Variants in EIF4G3 observed in about 807,000 individuals in gnomAD.
EIF4G3 encodes the protein eukaryotic translation initiation factor 4 gamma 3.
A neutral mutation model predicts 186.4 loss-of-function variants in EIF4G3; 34 were observed. The observed-to-expected ratio is 0.18, with a 90% CI of 0.14 to 0.24. EIF4G3 has a LOEUF of 0.24. Among genes scored for constraint, EIF4G3 ranks in the 10% least tolerant of loss-of-function variants. The pLI, the probability that EIF4G3 is intolerant of heterozygous loss-of-function variation, is 1.00. For synonymous variants in EIF4G3, 673 were observed against 679.5 expected, an observed-to-expected ratio of 0.99 and a Z score of 0.15; for missense variants, 1,536 against 1,948.5, an observed-to-expected ratio of 0.79 and a Z score of 3.99.
At chr1:20,972,952 G>T in intron 11 of EIF4G3, 50 bp downstream of exon 11, 1 of 1,429,438 alleles carries the variant, frequency 7.0e-7, no homozygotes. Context: ...TATCTGATAA[G>T]TGAATAGATT....
chr1:20,863,445 CCT>C (rs1491096622), intron 22 of EIF4G3, among the ~76,000 whole-genome samples: 10 of 119,578 alleles, frequency 8.4e-5, no homozygotes, highest in African/African-American at 2.8e-4. Context: ...TTTTTTTTTT[CCT>C]TTTTTTTTTT....
intron 3 of EIF4G3, among the ~76,000 whole-genome samples, chr1:21,056,630 C>T (rs1001310612): frequency 1.3e-5 from 2 of 152,158 alleles, no homozygotes; most frequent in Non-Finnish European, 2.9e-5. Flanking sequence ...ATTACTGAAT[C>T]CTCTATTATC....
intron 34 of EIF4G3, among the ~76,000 whole-genome samples, chr1:20,814,019 T>C (rs1473997062): frequency 7.5e-6 from 1 of 132,576 alleles, no homozygotes; most frequent in Non-Finnish European, 1.6e-5. Flanking sequence ...CGATCTCAGC[T>C]CACTGCAACC....
At chr1:21,036,047 C>T (rs2093169588) in intron 4 of EIF4G3, among the ~76,000 whole-genome samples, 4 of 151,486 alleles carry the variant, frequency 2.6e-5, no homozygotes. Context: ...CTGGAATGAC[C>T]TGCCTACAGA....
chr1:21,080,977 C>T (rs190476229), intron 3 of EIF4G3, among the ~76,000 whole-genome samples: 7 of 152,274 alleles, frequency 4.6e-5, no homozygotes, highest in African/African-American at 1.7e-4. Flanking sequence ...AAAATATATA[C>T]GACAAAATTA....
chr1:20,853,304 C>A (rs2073921376), intron 27 of EIF4G3, among the ~76,000 whole-genome samples: 1 of 152,158 alleles, frequency 6.6e-6, no homozygotes, highest in South Asian at 2.1e-4. Context: ...GCTTGCGGAG[C>A]CCCTAGACAT....
At chr1:20,950,442 C>T (rs963320640) in intron 12 of EIF4G3, among the ~76,000 whole-genome samples, 3 of 151,972 alleles carry the variant, frequency 2.0e-5, no homozygotes, top group Non-Finnish European at 2.9e-5. Context: ...TAACAATAGA[C>T]GACACATCTG....
At chr1:20,881,651 G>A (rs982136606) in intron 19 of EIF4G3, among the ~76,000 whole-genome samples, 21 of 151,674 alleles carry the variant, frequency 1.4e-4, no homozygotes, top group African/African-American at 5.1e-4. Context: ...GCTGAGCACG[G>A]TGGCACGCAC....
intron 19 of EIF4G3, among the ~76,000 whole-genome samples, chr1:20,882,904 C>T (rs1399843084): frequency 1.3e-5 from 2 of 151,368 alleles, no homozygotes; most frequent in Admixed American, 1.3e-4. Flanking sequence ...GCCTGGGCAA[C>T]AGAATGAGAC....
rs187467167 is a variant in EIF4G3, at chr1:20,910,323, C to T, written c.1664-5352G>A. On this transcript the variant is annotated intron_variant, in intron 14 of 36. Transcript: ENST00000602326. ...CTTCTTGGCTGGGCATGGTGGCTCC[C>T]GCCTGGAATCCCAGCACTTTGGGAT... Among the ~76,000 whole-genome samples, 1,428 of 152,208 alleles carry T rather than the reference C, an allele frequency of 9.4e-3. 12 individuals carry two copies. Among genetic ancestry groups the T allele is most frequent in the South Asian group, 0.029 (138 of 4,822 alleles).
chr1:20,818,628 G>A (rs972867986), intron 33 of EIF4G3, among the ~76,000 whole-genome samples: 2 of 151,852 alleles, frequency 1.3e-5, no homozygotes, highest in Non-Finnish European at 1.5e-5. Context: ...GCAATAGGGC[G>A]AGATCCTGTC....
intron 2 of EIF4G3, among the ~76,000 whole-genome samples, chr1:21,136,441 T>G (rs948822723): frequency 1.3e-5 from 2 of 150,220 alleles, no homozygotes; most frequent in Admixed American, 1.3e-4. Flanking sequence ...TGCTTTAACC[T>G]GGGAGGCGGA....
chr1:20,856,026 C>T (rs2154551117), intron 25 of EIF4G3, among the ~76,000 whole-genome samples: 1 of 152,232 alleles, frequency 6.6e-6, no homozygotes, highest in East Asian at 1.9e-4. Flanking sequence ...TGCTGGAGGA[C>T]TTCTTTAAAC....
At chr1:21,115,738 AAC>A (rs1275033743) in intron 2 of EIF4G3, among the ~76,000 whole-genome samples, 4 of 152,260 alleles carry the variant, frequency 2.6e-5, no homozygotes, top group Middle Eastern at 3.4e-3. Flanking sequence ...TTTTTAAAGA[AAC>A]AGAGTCTCAC....
chr1:21,138,369 G>T (rs1156741158), intron 2 of EIF4G3, among the ~76,000 whole-genome samples: 1 of 152,148 alleles, frequency 6.6e-6, no homozygotes, highest in East Asian at 1.9e-4. Flanking sequence ...AGAGTGACCT[G>T]AAGAAAAATG....
At chr1:20,978,111 C>G (rs2077213744) in intron 10 of EIF4G3, among the ~76,000 whole-genome samples, 1 of 152,076 alleles carries the variant, frequency 6.6e-6, no homozygotes, top group Non-Finnish European at 1.5e-5. Context: ...TTAAAAAATT[C>G]TAGATAGTAA....
chr1:21,134,676 AC>A (rs1273820846), intron 2 of EIF4G3, among the ~76,000 whole-genome samples: 1 of 152,118 alleles, frequency 6.6e-6, no homozygotes, highest in Non-Finnish European at 1.5e-5. Context: ...CTCAAAAAAA[AC>A]AAAAATAAAA....
intron 3 of EIF4G3, among the ~76,000 whole-genome samples, chr1:21,052,611 C>T (rs1035502657): frequency 3.9e-5 from 6 of 151,944 alleles, no homozygotes; most frequent in Non-Finnish European, 5.9e-5. Context: ...TCTCTTTCCA[C>T]GGTCTCCCCC....
At chr1:20,866,510 AT>A (rs1206411829) in intron 20 of EIF4G3, among the ~76,000 whole-genome samples, 2 of 152,186 alleles carry the variant, frequency 1.3e-5, no homozygotes, top group Non-Finnish European at 2.9e-5. Flanking sequence ...TTAACTCCAA[AT>A]TTAGGCTACA....
Sources: gnomAD v4.1 joint callset for allele counts (sites outside exome capture counted in the v4.1 genomes callset) on GRCh38, gnomAD v4.1.1 for gene constraint, MANE v1.5 for transcripts, NCBI Gene and HGNC (gene_info 2026-07-23, HGNC 2026-07-21) for gene names.